Variants in CACNB2 observed in about 807,000 individuals in gnomAD.
The protein encoded by CACNB2 is voltage-dependent L-type calcium channel subunit beta-2.
A neutral mutation model predicts 73.3 loss-of-function variants in CACNB2; 42 were observed. That is an observed-to-expected ratio of 0.57 (90% CI 0.45 to 0.74). CACNB2 has a LOEUF of 0.74. Among genes scored for constraint, CACNB2 ranks in the 30% least tolerant of loss-of-function variants. The pLI is 0.00. For synonymous variants in CACNB2, 348 were observed against 310.3 expected (o/e 1.12, Z -1.28); for missense variants, 940 against 853.0 (o/e 1.10, Z -1.27).
At chr10:18,333,442 T>TAA (rs59709475) in intron 2 of CACNB2, among the ~76,000 whole-genome samples, 20 of 146,738 alleles carry the variant, frequency 1.4e-4, no homozygotes, top group South Asian at 6.5e-4. Context: ...TTGTTAATGT[T>TAA]AAAAAAAAAA....
At chr10:18,235,895 C>T (rs1363783376) in intron 2 of CACNB2, among the ~76,000 whole-genome samples, 1 of 152,112 alleles carries the variant, frequency 6.6e-6, no homozygotes, top group Non-Finnish European at 1.5e-5. Flanking sequence ...GGGCAGATTT[C>T]CCCCTTGCTG....
At chr10:18,376,876 G>T (rs1278594271) in intron 2 of CACNB2, among the ~76,000 whole-genome samples, 1 of 152,194 alleles carries the variant, frequency 6.6e-6, no homozygotes, top group Non-Finnish European at 1.5e-5. Context: ...CCATTAGGCT[G>T]ATGCCCTTTG....
At chr10:18,327,469 G>A (rs1355424594) in intron 2 of CACNB2, among the ~76,000 whole-genome samples, 1 of 152,094 alleles carries the variant, frequency 6.6e-6, no homozygotes, top group Admixed American at 6.5e-5. Context: ...CTGCCACCTA[G>A]GCTGGAGGGC....
chr10:18,531,794 A>C (rs2053057237), intron 10 of CACNB2: 1 of 152,102 alleles, frequency 6.6e-6, no homozygotes, highest in Non-Finnish European at 1.5e-5. Context: ...TCTAAGAGGA[A>C]ACATTGTTCC....
At chr10:18,376,045 A>G (rs776503874) in intron 2 of CACNB2, among the ~76,000 whole-genome samples, 1 of 152,226 alleles carries the variant, frequency 6.6e-6, no homozygotes, top group African/African-American at 2.4e-5. Context: ...TTGCACTCCC[A>G]TGTTTATTGC....
intron 2 of CACNB2, among the ~76,000 whole-genome samples, chr10:18,202,312 G>A (rs1471106806): frequency 6.6e-6 from 1 of 152,156 alleles, no homozygotes; most frequent in African/African-American, 2.4e-5. Flanking sequence ...TGGATGATGA[G>A]GATCCTCGGT....
At chr10:18,535,628 C>T (rs370608000) in intron 11 of CACNB2, among the ~76,000 whole-genome samples, 1 of 145,508 alleles carries the variant, frequency 6.9e-6, no homozygotes, top group Non-Finnish European at 1.6e-5. Context: ...AAAAAATTAG[C>T]CGGGCGTGGT....
intron 1 of CACNB2, among the ~76,000 whole-genome samples, chr10:18,148,806 G>A (rs1232057696): frequency 6.6e-6 from 1 of 151,970 alleles, no homozygotes; most frequent in Non-Finnish European, 1.5e-5. Flanking sequence ...ACCAGCCTAG[G>A]CAACATAGTG....
chr10:18,417,421 T>A (rs2045050762), intron 3 of CACNB2, among the ~76,000 whole-genome samples: 1 of 141,294 alleles, frequency 7.1e-6, no homozygotes, highest in Non-Finnish European at 1.5e-5. Flanking sequence ...CAGGCTGGAA[T>A]GCAGTGGCGC....
At chr10:18,402,516 A>G (rs973655213) in intron 3 of CACNB2, among the ~76,000 whole-genome samples, 3 of 152,212 alleles carry the variant, frequency 2.0e-5, no homozygotes, top group Non-Finnish European at 4.4e-5. Context: ...AATGGATTAC[A>G]TTATGCTTTT....
intron 2 of CACNB2, among the ~76,000 whole-genome samples, chr10:18,330,430 C>A (rs778215372): frequency 4.6e-5 from 7 of 152,062 alleles, no homozygotes; most frequent in Non-Finnish European, 8.8e-5. Context: ...GTGGGAGGAA[C>A]ACTCGAGCCT....
intron 2 of CACNB2, among the ~76,000 whole-genome samples, chr10:18,159,550 G>T (rs1448328455): frequency 6.6e-6 from 1 of 152,164 alleles, no homozygotes; most frequent in Non-Finnish European, 1.5e-5. Context: ...TTAACAGAAG[G>T]TTGCATGACA....
chr10:18,165,383 A>G (rs545014799), intron 2 of CACNB2, among the ~76,000 whole-genome samples: 1 of 152,312 alleles, frequency 6.6e-6, no homozygotes, highest in East Asian at 1.9e-4. Flanking sequence ...ACAGAGAGAA[A>G]CGATGTCACT....
At chr10:18,340,770 A>G (rs946143162) in intron 2 of CACNB2, 19 of 1,557,662 alleles carry the variant, frequency 1.2e-5, no homozygotes, top group Admixed American at 5.5e-5. Flanking sequence ...AGTCACACTA[A>G]CTAAGACTAC....
chr10:18,296,884 C>G (rs1217741588), intron 2 of CACNB2, among the ~76,000 whole-genome samples: 1 of 152,170 alleles, frequency 6.6e-6, no homozygotes, highest in Non-Finnish European at 1.5e-5. Context: ...CCTGATTCTG[C>G]TAGTAGTTGT....
chr10:18,343,334 C>T (rs951603458), intron 2 of CACNB2, among the ~76,000 whole-genome samples: 2 of 151,806 alleles, frequency 1.3e-5, no homozygotes, highest in Admixed American at 6.6e-5. Context: ...TATTGTTACC[C>T]GTAATTTTTG....
chr10:18,162,434 C>T (rs529942897), intron 2 of CACNB2, among the ~76,000 whole-genome samples: 9 of 152,064 alleles, frequency 5.9e-5, no homozygotes, highest in South Asian at 2.1e-4. Flanking sequence ...TGTTCAATGA[C>T]GCGTACTCGT....
chr10:18,142,905 C>T (rs1270494518), intron 1 of CACNB2, among the ~76,000 whole-genome samples: 2 of 152,122 alleles, frequency 1.3e-5, no homozygotes, highest in African/African-American at 2.4e-5. Flanking sequence ...AATAAACACG[C>T]TATTTGGAGG....
chr10:18,216,260 G>C (rs1475501818), intron 2 of CACNB2, among the ~76,000 whole-genome samples: 1 of 152,108 alleles, frequency 6.6e-6, no homozygotes, highest in Non-Finnish European at 1.5e-5. Flanking sequence ...TTACACCATT[G>C]CATTCCAGCC....
Sources: allele counts gnomAD v4.1 joint callset (sites outside exome capture counted in the v4.1 genomes callset), GRCh38; gene constraint gnomAD v4.1.1; transcripts MANE v1.5; gene names NCBI Gene and HGNC (gene_info 2026-07-23, HGNC 2026-07-21).